RALGPS2: variants seen among roughly 807,000 people sequenced by gnomAD.
RALGPS2 encodes Ral GEF with PH domain and SH3 binding motif 2, also known as ras-specific guanine nucleotide-releasing factor RalGPS2.
A neutral mutation model predicts 86.8 loss-of-function variants in RALGPS2; 43 were observed. That is an observed-to-expected ratio of 0.50 (90% CI 0.39 to 0.64). The LOEUF (loss-of-function observed/expected upper bound fraction) is 0.64, where lower values mean the gene tolerates loss of function less well. RALGPS2 is among the 30% of genes least tolerant of loss of function. RALGPS2 has a pLI of 0.00. For missense variants in RALGPS2, 536 were observed against 694.6 expected (o/e 0.77, Z 2.57); for synonymous variants, 243 against 231.3 (o/e 1.05, Z -0.46).
intron 2 of RALGPS2, among the ~76,000 whole-genome samples, chr1:178,779,450 A>T (rs938566585): frequency 1.3e-5 from 2 of 152,180 alleles, no homozygotes; most frequent in Non-Finnish European, 2.9e-5. Context: ...ATTTTGCCCC[A>T]GCTAGTTACT....
chr1:178,851,081 C>T, intron 8 of RALGPS2: 1 of 1,507,202 alleles, frequency 6.6e-7, no homozygotes, highest in East Asian at 2.3e-5. Flanking sequence ...TTTTTAAGAG[C>T]TGAAAAGTAC....
intron 1 of RALGPS2, among the ~76,000 whole-genome samples, chr1:178,774,848 A>G (rs1214021853): frequency 6.6e-6 from 1 of 152,210 alleles, no homozygotes; most frequent in Non-Finnish European, 1.5e-5. Flanking sequence ...TAAATTCAAG[A>G]TGTGACTGAA....
intron 1 of RALGPS2, among the ~76,000 whole-genome samples, chr1:178,727,068 A>G (rs758235028): frequency 1.3e-5 from 2 of 152,246 alleles, no homozygotes; most frequent in African/African-American, 4.8e-5. Context: ...TGTAGCTTCA[A>G]AGGTCTTTTG....
intron 19 of RALGPS2, among the ~76,000 whole-genome samples, chr1:178,915,154 C>CT (rs1243537828): frequency 6.6e-6 from 1 of 152,188 alleles, no homozygotes; most frequent in Admixed American, 6.5e-5. Flanking sequence ...GTAGAAAACT[C>CT]TGACTCAAAT....
At chr1:178,819,840 T>G (rs1655413297) in intron 6 of RALGPS2, among the ~76,000 whole-genome samples, 1 of 152,172 alleles carries the variant, frequency 6.6e-6, no homozygotes, top group African/African-American at 2.4e-5. Flanking sequence ...CAGATCCTTC[T>G]CATCATCTCT....
At chr1:178,880,996 G>GAGC (rs767146343) in intron 10 of RALGPS2, among the ~76,000 whole-genome samples, 2 of 152,154 alleles carry the variant, frequency 1.3e-5, no homozygotes, top group African/African-American at 4.8e-5. Context: ...GCTAGAACCA[G>GAGC]AGCAGCCCTT....
At chr1:178,837,495 AG>A (rs1329305754) in intron 8 of RALGPS2, among the ~76,000 whole-genome samples, 13 of 152,260 alleles carry the variant, frequency 8.5e-5, no homozygotes, top group African/African-American at 3.1e-4. Flanking sequence ...CATATTCTCT[AG>A]TAAAATGTAT....
chr1:178,900,275 TC>T (rs1329561522), intron 17 of RALGPS2, among the ~76,000 whole-genome samples: 2 of 151,998 alleles, frequency 1.3e-5, no homozygotes, highest in Non-Finnish European at 2.9e-5. Flanking sequence ...ATTTTAGTAT[TC>T]TATAAAGTAT....
chr1:178,746,684 T>C, intron 1 of RALGPS2: 1 of 773,352 alleles, frequency 1.3e-6, no homozygotes, highest in African/African-American at 1.7e-5. Flanking sequence ...TCATGAATAT[T>C]AGGTATCTGT....
chr1:178,761,980 T>C (rs1199596171), intron 1 of RALGPS2, among the ~76,000 whole-genome samples: 1 of 152,196 alleles, frequency 6.6e-6, no homozygotes, highest in East Asian at 1.9e-4. Flanking sequence ...TAGTACCCAG[T>C]AGGTAGTTTC....
chr1:178,881,741 G>A (rs116770710), intron 10 of RALGPS2, among the ~76,000 whole-genome samples: 6,059 of 152,196 alleles, frequency 0.04, 163 homozygotes, highest in African/African-American at 0.068. Flanking sequence ...GTGAGCCACC[G>A]CACTCACTGA....
chr1:178,899,973 A>G (rs771245213), intron 17 of RALGPS2, among the ~76,000 whole-genome samples: 8 of 151,986 alleles, frequency 5.3e-5, no homozygotes, highest in Admixed American at 1.3e-4. Context: ...AGAAATGACA[A>G]TTACGTTGTG....
intron 1 of RALGPS2, among the ~76,000 whole-genome samples, chr1:178,771,310 A>G (rs909003372): frequency 6.6e-6 from 1 of 152,206 alleles, no homozygotes; most frequent in Non-Finnish European, 1.5e-5. Context: ...TTAAATTGTA[A>G]TAGTTCTTCA....
chr1:178,787,218 C>G (rs1298147986), intron 4 of RALGPS2, among the ~76,000 whole-genome samples: 1 of 151,790 alleles, frequency 6.6e-6, no homozygotes, highest in Non-Finnish European at 1.5e-5. Context: ...ATTCACCTGT[C>G]TTCTTCTTAG....
chr1:178,870,934 C>T (rs1036648463), intron 8 of RALGPS2: 4 of 152,084 alleles, frequency 2.6e-5, no homozygotes, highest in African/African-American at 7.2e-5. Context: ...TGACAAGCCA[C>T]CTATGTAATT....
chr1:178,908,508 T>C (rs1056222694), intron 19 of RALGPS2, among the ~76,000 whole-genome samples: 2 of 152,254 alleles, frequency 1.3e-5, no homozygotes, highest in Non-Finnish European at 1.5e-5. Flanking sequence ...ATCTCCAAGC[T>C]GCTTTCCACA....
In RALGPS2 at chr1:178,885,987, C is replaced by A; in HGVS notation, c.1059C>A (p.Asn353Lys). The stretch of plus-strand genomic sequence containing the variant: ...TTTCTAGTTTCATTCATAAAATGAA[C>A]ACAGCAGAATTTAAGAGTGCAACGT... ...SLGYNFIHKM[N>K]TAEFKSATFP... The change falls in exon 13 of 20, where the codon AAC becomes AAA. Residue 353 changes from asparagine (N) to lysine (K), a missense_variant. This residue lies in a region of RALGPS2 where 309 missense variants were observed against 363.0 expected (regional missense o/e 0.85). Transcript: ENST00000367635. 6.3e-7 allele frequency: 1 copy of A among 1,594,238 alleles called. No individual in the cohort carries two copies. Among genetic ancestry groups the A allele is most frequent in the Admixed American group, 1.8e-5 (1 of 54,970 alleles).
At chr1:178,764,062 G>A (rs953621103) in intron 1 of RALGPS2, among the ~76,000 whole-genome samples, 1 of 152,030 alleles carries the variant, frequency 6.6e-6, no homozygotes, top group African/African-American at 2.4e-5. Context: ...TGTCAGTGAG[G>A]TGTTGAAATC....
chr1:178,808,495 A>C (rs35200367), intron 5 of RALGPS2, among the ~76,000 whole-genome samples: 35,892 of 151,908 alleles, frequency 0.24, 4,991 homozygotes, highest in Non-Finnish European at 0.32. Context: ...TTTTATTTTT[A>C]AAATTTATTA....
Sources: allele counts gnomAD v4.1 joint callset (sites outside exome capture counted in the v4.1 genomes callset), GRCh38; gene constraint gnomAD v4.1.1; regional missense constraint gnomAD v4.1.1; transcripts MANE v1.5; gene names NCBI Gene and HGNC (gene_info 2026-07-23, HGNC 2026-07-21).